Variants in RAD50 observed in about 807,000 individuals in gnomAD.
The protein encoded by RAD50 is RAD50 double strand break repair protein, also known as DNA repair protein RAD50.
In RAD50, 132 loss-of-function variants were observed where a neutral mutation model predicts 168.8. That is an observed-to-expected ratio of 0.78 (90% CI 0.68 to 0.90). RAD50 has a LOEUF of 0.90. Among genes scored for constraint, RAD50 ranks in the 40% least tolerant of loss-of-function variants. The pLI is 0.00. For missense variants in RAD50, 1,347 were observed against 1,534.4 expected (o/e 0.88, Z 2.04); for synonymous variants, 525 against 497.4 (o/e 1.06, Z -0.74).
Position 132,609,198 on chromosome 5 carries a change from G to A in RAD50, c.2911G>A (p.Asp971Asn), listed in dbSNP as rs748452537. 12 of 1,611,132 alleles carry A rather than the reference G, an allele frequency of 7.4e-6. No homozygotes were observed. Among genetic ancestry groups the A allele is most frequent in the East Asian group, 2.2e-5 (1 of 44,762 alleles). ...IENYIQDGKD[D>N]YKKQKETELN... Reference sequence around the variant, plus strand: ...GAATTATATTCAAGATGGGAAAGACGACTATAAGAAGGTAATTTAAAACTT... The same window carrying A: ...GAATTATATTCAAGATGGGAAAGACAACTATAAGAAGGTAATTTAAAACTT... The change falls in exon 18 of 25, where the codon GAC (aspartate) becomes AAC (asparagine). Residue 971 changes from aspartate (D) to asparagine (N), a missense_variant. By Grantham distance (23) the Asp-to-Asn change is conservative. Transcript: ENST00000378823.
chr5:132,623,229 A>G (rs942610729), intron 21 of RAD50, among the ~76,000 whole-genome samples: 2 of 152,254 alleles, frequency 1.3e-5, no homozygotes, highest in Non-Finnish European at 2.9e-5. Context: ...CTGTAAGCCC[A>G]GCACTTTGGG....
At chr5:132,583,619 A>G (rs1750543194) in intron 5 of RAD50, among the ~76,000 whole-genome samples, 1 of 151,880 alleles carries the variant, frequency 6.6e-6, no homozygotes, top group Non-Finnish European at 1.5e-5. Flanking sequence ...GCACATATAT[A>G]GAATCATACA....
chr5:132,619,802 C>T (rs1457741942), intron 21 of RAD50, among the ~76,000 whole-genome samples: 3 of 141,770 alleles, frequency 2.1e-5, no homozygotes, highest in Admixed American at 6.9e-5. Context: ...CTCTCTCTCT[C>T]TCTCTCTCTA....
Position 132,644,157 on chromosome 5 carries a change from A to C in RAD50, c.*1793A>C, listed in dbSNP as rs1751801405. 1 of 183,076 alleles carries C rather than the reference A, an allele frequency of 5.5e-6. No homozygotes were observed. Among genetic ancestry groups the C allele is most frequent in the African/African-American group, 2.3e-5 (1 of 42,584 alleles). 11.3% of individuals were successfully genotyped at this position (183,076 alleles called of 1,614,324 possible). A position where few individuals can be genotyped will look rare whatever the true frequency, so the allele number is the denominator to read the frequency against. ...CGATCAATATAGGCAGTGAAACAAA[A>C]GTATCATTTGCAAGTTAAAACAGAC... On this transcript the variant is annotated 3_prime_UTR_variant, in exon 25 of 25. Coordinates refer to ENST00000378823, the MANE Select transcript of RAD50 (RefSeq NM_005732.4).
At chr5:132,642,077 C>T in intron 24 of RAD50, 101 bp from the exon 25 acceptor site, 1 of 1,294,010 alleles carries the variant, frequency 7.7e-7, no homozygotes, top group Non-Finnish European at 1.1e-6. Context: ...CCCTGACACA[C>T]AGCACAAGTT....
chr5:132,561,199 C>CT (rs199601779), intron 2 of RAD50, among the ~76,000 whole-genome samples: 3,684 of 151,294 alleles, frequency 0.024, 163 homozygotes, highest in African/African-American at 0.085. Flanking sequence ...TGCTTGATTT[C>CT]TTTTTTTTTA....
intron 21 of RAD50, among the ~76,000 whole-genome samples, chr5:132,636,732 G>A (rs989613578): frequency 1.1e-4 from 16 of 152,126 alleles, no homozygotes; most frequent in Non-Finnish European, 2.2e-4. Flanking sequence ...CCTGTGACCC[G>A]TGAGTATCAG....
At chr5:132,601,250 AG>A (rs1167224344) in intron 13 of RAD50, among the ~76,000 whole-genome samples, 4 of 152,176 alleles carry the variant, frequency 2.6e-5, no homozygotes, top group Non-Finnish European at 4.4e-5. Flanking sequence ...CACCAGCCTC[AG>A]CCTCCCAAAG....
At position 132,643,367 on chromosome 5, in the gene RAD50, T is replaced by C. The variant is rs1581026075; in HGVS notation, c.*1003T>C. Reference sequence around the variant, plus strand: ...CAGCTGACATCTTGAATCCTTCCATTCCACACAGAATGCAACCAAGTCACA... The same window carrying C: ...CAGCTGACATCTTGAATCCTTCCATCCCACACAGAATGCAACCAAGTCACA... On this transcript the variant is annotated 3_prime_UTR_variant, in exon 25 of 25. Coordinates refer to ENST00000378823, the MANE Select transcript of RAD50 (RefSeq NM_005732.4). 3 of 249,184 alleles carry C rather than the reference T, an allele frequency of 1.2e-5. No individual in the cohort carries two copies. The East Asian group carries it at 1.6e-4, about 13-fold the overall frequency. 15.4% of individuals were successfully genotyped at this position (249,184 alleles called of 1,614,324 possible). A position where few individuals can be genotyped will look rare whatever the true frequency, so the allele number is the denominator to read the frequency against.
At chr5:132,560,823 A>G (rs1000199834) in intron 2 of RAD50, among the ~76,000 whole-genome samples, 2 of 152,158 alleles carry the variant, frequency 1.3e-5, no homozygotes, top group African/African-American at 2.4e-5. Flanking sequence ...TTCAAACAAA[A>G]AACTCTCCCT....
intron 21 of RAD50, among the ~76,000 whole-genome samples, chr5:132,618,976 CAT>C (rs1441504870): frequency 1.3e-5 from 2 of 152,100 alleles, no homozygotes; most frequent in African/African-American, 4.8e-5. Flanking sequence ...ATATATATGT[CAT>C]ATTTTGAGCT....
intron 1 of RAD50, among the ~76,000 whole-genome samples, chr5:132,558,331 C>T (rs559136964): frequency 1.4e-4 from 22 of 152,210 alleles, no homozygotes; most frequent in African/African-American, 4.8e-4. Flanking sequence ...ACAGCTTTTT[C>T]GCTTCATTTA....
rs1311457228 is a variant in RAD50, at chr5:132,645,066, C to T, written c.*2702C>T. The T allele has an allele frequency of 1.3e-5, 2 of 152,178 alleles. No homozygotes were observed. Among genetic ancestry groups the T allele is most frequent in the African/African-American group, 4.8e-5 (2 of 41,424 alleles). 9.4% of individuals were successfully genotyped at this position (152,178 alleles called of 1,614,324 possible). A position where few individuals can be genotyped will look rare whatever the true frequency, so the allele number is the denominator to read the frequency against. On this transcript the variant is annotated 3_prime_UTR_variant, in exon 25 of 25. Transcript: ENST00000378823. The stretch of plus-strand genomic sequence containing the variant: ...TTGTTTCCTCCAGTGAGAAGATACT[C>T]AGTTCTATGGTCTTATTCTAGAGCC...
At chr5:132,577,467 C>T (rs781098440) in intron 3 of RAD50, among the ~76,000 whole-genome samples, 1 of 152,170 alleles carries the variant, frequency 6.6e-6, no homozygotes, top group Non-Finnish European at 1.5e-5. Flanking sequence ...CTTGGAGGAC[C>T]ATTGTTCCAT....
chr5:132,614,529 G>A (rs1008461194), intron 19 of RAD50, among the ~76,000 whole-genome samples: 3 of 151,694 alleles, frequency 2.0e-5, no homozygotes, highest in African/African-American at 7.3e-5. Context: ...CGAAATCTAG[G>A]ATGCTCAAGT....
chr5:132,567,471 A>G (rs965699424), intron 2 of RAD50, among the ~76,000 whole-genome samples: 3 of 152,250 alleles, frequency 2.0e-5, no homozygotes, highest in African/African-American at 7.2e-5. Context: ...ATCACTAGGC[A>G]GATGAAACAA....
At chr5:132,567,769 T>G (rs1393507922) in intron 2 of RAD50, among the ~76,000 whole-genome samples, 1 of 152,194 alleles carries the variant, frequency 6.6e-6, no homozygotes, top group Non-Finnish European at 1.5e-5. Flanking sequence ...AACTCTCCAG[T>G]GTTCACTTGA....
At chr5:132,611,851 G>A (rs1006913235) in intron 19 of RAD50, among the ~76,000 whole-genome samples, 1 of 151,808 alleles carries the variant, frequency 6.6e-6, no homozygotes, top group African/African-American at 2.4e-5. Context: ...AACAGACTTC[G>A]CAGGGCTTTA....
chr5:132,577,720 A>G, intron 3 of RAD50, among the ~76,000 whole-genome samples: 1 of 151,242 alleles, frequency 6.6e-6, no homozygotes, highest in East Asian at 1.9e-4. Context: ...GTGTTCATAG[A>G]TGACTCACAG....
Sources: gnomAD v4.1 joint callset for allele counts (sites outside exome capture counted in the v4.1 genomes callset) on GRCh38, gnomAD v4.1.1 for gene constraint, MANE v1.5 for transcripts, NCBI Gene and HGNC (gene_info 2026-07-23, HGNC 2026-07-21) for gene names.